The following GALNTL6 variants were observed in gnomAD, a reference collection of about 807,000 sequenced individuals.
The protein encoded by GALNTL6 is polypeptide N-acetylgalactosaminyltransferase-like 6.
A neutral mutation model predicts 73.7 loss-of-function variants in GALNTL6; 46 were observed. The ratio of observed to expected loss-of-function variants is 0.62; its 90% CI spans 0.49 to 0.80. The LOEUF (loss-of-function observed/expected upper bound fraction) is 0.80. GALNTL6 is among the 30% of genes least tolerant of loss of function. The probability of loss-of-function intolerance (pLI) is 0.00; values close to 1 mark genes in which losing one functional copy is unlikely to be tolerated. For missense variants in GALNTL6, 604 were observed against 755.0 expected, an observed-to-expected ratio of 0.80 and a Z score of 2.34; for synonymous variants, 259 against 263.7, an observed-to-expected ratio of 0.98 and a Z score of 0.17.
chr4:172,624,772 TA>T (rs1384972267), intron 5 of GALNTL6, among the ~76,000 whole-genome samples: 48 of 149,566 alleles, frequency 3.2e-4, no homozygotes, highest in African/African-American at 1.1e-3. Context: ...GTTTTTTTTT[TA>T]TTTTTTTGTT....
intron 3 of GALNTL6, among the ~76,000 whole-genome samples, chr4:172,250,238 C>T (rs1370705816): frequency 6.6e-6 from 1 of 152,100 alleles, no homozygotes; most frequent in East Asian, 1.9e-4. Context: ...CCAATTTCTC[C>T]CATTTGGAGT....
chr4:172,780,248 T>C (rs949345817), intron 5 of GALNTL6, among the ~76,000 whole-genome samples: 1 of 152,202 alleles, frequency 6.6e-6, no homozygotes, highest in East Asian at 1.9e-4. Flanking sequence ...AGGTTGTCAC[T>C]TCTATTCAGA....
intron 2 of GALNTL6, among the ~76,000 whole-genome samples, chr4:172,176,156 G>A (rs1013037768): frequency 3.3e-5 from 5 of 151,362 alleles, no homozygotes; most frequent in Admixed American, 6.6e-5. Context: ...TGGCTAACAC[G>A]GTGAAACCCC....
intron 2 of GALNTL6, among the ~76,000 whole-genome samples, chr4:172,057,444 C>G (rs1560903909): frequency 1.3e-5 from 2 of 151,634 alleles, no homozygotes; most frequent in Non-Finnish European, 2.9e-5. Flanking sequence ...GTCCCAACTA[C>G]TCAGGAGGCC....
chr4:172,512,961 G>A (rs1734476672), intron 5 of GALNTL6, among the ~76,000 whole-genome samples: 2 of 151,950 alleles, frequency 1.3e-5, no homozygotes, highest in African/African-American at 4.8e-5. Context: ...AATTTCCTGG[G>A]TGTTTTTTGA....
Position 171,938,458 on chromosome 4 carries a change from A to AT in GALNTL6, c.138+123741dup, listed in dbSNP as rs534976098. Among the ~76,000 whole-genome samples, 563 of 152,304 alleles carry AT rather than the reference A, an allele frequency of 3.7e-3. 2 individuals are homozygous for AT. Among genetic ancestry groups the AT allele is most frequent in the African/African-American group, 0.013 (532 of 41,564 alleles). On this transcript the variant is annotated intron_variant, in intron 2 of 12. Coordinates refer to ENST00000506823, the MANE Select transcript of GALNTL6 (RefSeq NM_001034845.3). Reference sequence around the variant, plus strand: ...GAAATTATGATATAATATTGTGTGCATGGACATCTAGGAAGCACTAGTCCA... The same window carrying AT: ...GAAATTATGATATAATATTGTGTGCATTGGACATCTAGGAAGCACTAGTCCA...
rs1579015814 is a variant in GALNTL6 at position 172,380,337 on chromosome 4, T to C, written c.553+31648T>C. 4.2e-6 allele frequency: 3 copies of C among 717,426 alleles called. No homozygotes were observed. In the East Asian group the frequency reaches 8.4e-5, roughly 20 times the overall value. The allele number at this position is 717,426 out of a possible 1,614,324, so 44.4% of individuals were successfully genotyped here. A position where few individuals can be genotyped will look rare whatever the true frequency, so the allele number is the denominator to read the frequency against. On this transcript the variant is annotated intron_variant, in intron 5 of 12. Transcript: ENST00000506823. Reference sequence around the variant, plus strand: ...GGAAGAAATAGTCCAAGTTTAAAAGTCCCTCCCTCACAGTGGGAATCCCAG... The same window carrying C: ...GGAAGAAATAGTCCAAGTTTAAAAGCCCCTCCCTCACAGTGGGAATCCCAG...
At position 173,040,475 on chromosome 4, in the gene GALNTL6, G is replaced by A. The variant is rs1387563607; in HGVS notation, c.*375G>A. 2 of 193,866 alleles carry A rather than the reference G, an allele frequency of 1.0e-5. No individual in the cohort carries two copies. Among genetic ancestry groups the A allele is most frequent in the South Asian group, 1.1e-4 (1 of 8,984 alleles). 12.0% of individuals were successfully genotyped at this position (193,866 alleles called of 1,614,324 possible). A position where few individuals can be genotyped will look rare whatever the true frequency, so the allele number is the denominator to read the frequency against. ...GGTGGGAGGGGGGTGAAAATGGAGT[G>A]CATGACTGCTCTGACAACCTGAGGA... On this transcript the variant is annotated 3_prime_UTR_variant, in exon 13 of 13. Coordinates refer to ENST00000506823, the MANE Select transcript of GALNTL6 (RefSeq NM_001034845.3).
At chr4:172,915,859 A>T (rs1037957333) in intron 8 of GALNTL6, among the ~76,000 whole-genome samples, 1 of 152,092 alleles carries the variant, frequency 6.6e-6, no homozygotes, top group South Asian at 2.1e-4. Context: ...CTATTCCAAA[A>T]AATAGAAAAA....
intron 2 of GALNTL6, among the ~76,000 whole-genome samples, chr4:171,934,419 A>G (rs10024882): frequency 0.24 from 36,366 of 151,904 alleles, 4,480 homozygotes; most frequent in Middle Eastern, 0.3. Flanking sequence ...TTACTTATTT[A>G]TTTTTGAGAC....
chr4:172,628,096 A>T (rs143150670), intron 5 of GALNTL6, among the ~76,000 whole-genome samples: 33 of 152,282 alleles, frequency 2.2e-4, no homozygotes, highest in African/African-American at 7.7e-4. Context: ...GGAATATAAA[A>T]AAACTGTCAT....
At chr4:172,465,168 G>T in intron 5 of GALNTL6, among the ~76,000 whole-genome samples, 1 of 152,092 alleles carries the variant, frequency 6.6e-6, no homozygotes. Context: ...TCCATTTGAT[G>T]GTCTGCTATA....
At chr4:172,234,396 A>G (rs999286622) in intron 3 of GALNTL6, among the ~76,000 whole-genome samples, 3 of 152,112 alleles carry the variant, frequency 2.0e-5, no homozygotes, top group African/African-American at 7.2e-5. Context: ...TGTTAGATCA[A>G]TTTGTCTAAT....
At chr4:172,061,780 A>C (rs1731206536) in intron 2 of GALNTL6, among the ~76,000 whole-genome samples, 1 of 152,016 alleles carries the variant, frequency 6.6e-6, no homozygotes, top group Non-Finnish European at 1.5e-5. Flanking sequence ...AGACCACTAA[A>C]CACCTGAATT....
intron 2 of GALNTL6, among the ~76,000 whole-genome samples, chr4:172,207,103 G>A (rs1044115038): frequency 3.3e-5 from 5 of 151,864 alleles, no homozygotes; most frequent in Non-Finnish European, 5.9e-5. Flanking sequence ...AGGCCGCCGT[G>A]CCTGGCCGAA....
intron 5 of GALNTL6, among the ~76,000 whole-genome samples, chr4:172,606,591 TACAC>T (rs1311373117): frequency 2.9e-5 from 4 of 138,544 alleles, no homozygotes; most frequent in Admixed American, 7.5e-5. Flanking sequence ...TGTATATATA[TACAC>T]ATATATACAT....
chr4:172,926,528 GT>G (rs1408665149), intron 8 of GALNTL6, among the ~76,000 whole-genome samples: 2 of 152,178 alleles, frequency 1.3e-5, no homozygotes, highest in Non-Finnish European at 2.9e-5. Context: ...GTAAGGCATT[GT>G]TCCAGACCTT....
At chr4:172,413,528 A>G (rs780731522) in intron 5 of GALNTL6, among the ~76,000 whole-genome samples, 1 of 152,224 alleles carries the variant, frequency 6.6e-6, no homozygotes, top group Non-Finnish European at 1.5e-5. Flanking sequence ...TTTACAGCCA[A>G]GTATATTTCC....
intron 5 of GALNTL6, among the ~76,000 whole-genome samples, chr4:172,433,931 A>C (rs1186391350): frequency 6.6e-6 from 1 of 152,112 alleles, no homozygotes; most frequent in African/African-American, 2.4e-5. Flanking sequence ...ACTCCCTCCC[A>C]GCCTCACTGA....
Sources: gnomAD v4.1 joint callset for allele counts (sites outside exome capture counted in the v4.1 genomes callset) on GRCh38, gnomAD v4.1.1 for gene constraint, MANE v1.5 for transcripts, NCBI Gene and HGNC (gene_info 2026-07-23, HGNC 2026-07-21) for gene names.